STK32C: variants seen among roughly 807,000 people sequenced by gnomAD.
STK32C encodes serine/threonine kinase 32C.
STK32C carries 31 observed loss-of-function variants against 56.5 expected under a neutral mutation model. The ratio of observed to expected loss-of-function variants is 0.55; its 90% CI spans 0.41 to 0.74. The LOEUF (loss-of-function observed/expected upper bound fraction) is 0.74, where lower values mean the gene tolerates loss of function less well. Ranked by LOEUF, STK32C falls within the 30% of genes least tolerant of loss-of-function variation. STK32C has a pLI of 0.00. For synonymous variants in STK32C, 309 were observed against 289.4 expected (o/e 1.07, Z -0.69); for missense variants, 544 against 676.9 (o/e 0.80, Z 2.18).
chr10:132,209,114 A>G lies in STK32C; in HGVS notation c.1252-13T>C. The G allele has an allele frequency of 6.2e-7, 1 of 1,613,092 alleles. No individual in the cohort carries two copies. ...GATAGTCATTCTCCTGTGGATGGAA[A>G]GGCACACGTGAGCGTGGGGGACGCT... On this transcript the variant is annotated splice_polypyrimidine_tract_variant and intron_variant, in intron 10 of 11. Coordinates refer to ENST00000298630, the MANE Select transcript of STK32C (RefSeq NM_173575.4).
At chr10:132,267,071 C>A (rs928925602) in intron 1 of STK32C, among the ~76,000 whole-genome samples, 1 of 152,328 alleles carries the variant, frequency 6.6e-6, no homozygotes, top group African/African-American at 2.4e-5. Flanking sequence ...GGTCAGAAGC[C>A]GGAGCAGCCC....
At chr10:132,298,676 G>C (rs1010369776) in intron 1 of STK32C, among the ~76,000 whole-genome samples, 5 of 152,026 alleles carry the variant, frequency 3.3e-5, no homozygotes, top group African/African-American at 7.3e-5. Context: ...GGGGAGTTGA[G>C]CGCCGTGTGT....
intron 2 of STK32C, among the ~76,000 whole-genome samples, chr10:132,241,006 G>A (rs556287697): frequency 7.9e-5 from 12 of 152,362 alleles, no homozygotes; most frequent in Admixed American, 3.9e-4. Context: ...CATTCTGGCC[G>A]AGTGGAAATC....
intron 1 of STK32C, among the ~76,000 whole-genome samples, chr10:132,302,292 A>G (rs1401829590): frequency 6.6e-6 from 1 of 152,234 alleles, no homozygotes; most frequent in African/African-American, 2.4e-5. Flanking sequence ...AAGCCGGCTT[A>G]TTTTTAGCCT....
intron 10 of STK32C, among the ~76,000 whole-genome samples, chr10:132,213,286 G>A (rs1293126370): frequency 1.3e-5 from 2 of 152,228 alleles, no homozygotes; most frequent in African/African-American, 4.8e-5. Context: ...AGGGGCACAG[G>A]CCCCCAAGAC....
chr10:132,223,011 G>A (rs2062738393), intron 8 of STK32C, 25 bp from the exon 9 acceptor site: 3 of 1,542,338 alleles, frequency 1.9e-6, no homozygotes, highest in Non-Finnish European at 2.6e-6. Flanking sequence ...GAGTCAGAGG[G>A]TCCAGGGCCC....
At chr10:132,315,410 A>G (rs1429527080) in intron 1 of STK32C, among the ~76,000 whole-genome samples, 7 of 152,314 alleles carry the variant, frequency 4.6e-5, no homozygotes, top group Admixed American at 2.0e-4. Flanking sequence ...GGTGCAGCAA[A>G]CCAGCATGGC....
intron 1 of STK32C, among the ~76,000 whole-genome samples, chr10:132,276,513 G>A (rs1380335006): frequency 2.0e-5 from 3 of 152,212 alleles, no homozygotes; most frequent in African/African-American, 4.8e-5. Context: ...GAGGCACGGC[G>A]GCTCACGCCT....
chr10:132,212,341 A>C (rs1257318673), intron 10 of STK32C, among the ~76,000 whole-genome samples: 1 of 152,218 alleles, frequency 6.6e-6, no homozygotes. Context: ...TCTTCAGCAA[A>C]TGGTGCTAGG....
At chr10:132,312,630 T>C (rs1257030201), upstream of STK32C, among the ~76,000 whole-genome samples, 2 of 152,138 alleles carry the variant, frequency 1.3e-5, no homozygotes, top group Non-Finnish European at 2.9e-5. Context: ...TTTCAAGGCC[T>C]GGCAAGAATT....
intron 1 of STK32C, among the ~76,000 whole-genome samples, chr10:132,292,750 G>T (rs1333248819): frequency 2.6e-5 from 4 of 152,188 alleles, no homozygotes; most frequent in African/African-American, 9.7e-5. Flanking sequence ...CAGACCCTGG[G>T]AAGCCACTCT....
chr10:132,258,969 A>G (rs1366621594), intron 1 of STK32C, among the ~76,000 whole-genome samples: 2 of 152,256 alleles, frequency 1.3e-5, no homozygotes, highest in Non-Finnish European at 2.9e-5. Context: ...GTAGGAAAAT[A>G]TCATCTCCAA....
In STK32C at chr10:132,224,439, A is replaced by G; in HGVS notation, c.961T>C (p.Trp321Arg). 6.4e-7 allele frequency: 1 copy of G among 1,558,084 alleles called. No individual in the cohort carries two copies. The highest frequency in any genetic ancestry group is 8.7e-7 in the Non-Finnish European group (1 of 1,150,820). The change falls in exon 8 of 12, where the codon TGG (tryptophan) becomes CGG (arginine). Residue 321 changes from tryptophan to arginine, a missense_variant. This residue lies in a region of STK32C where 277 missense variants were observed against 309.3 expected (regional missense o/e 0.90). Coordinates refer to ENST00000298630, the MANE Select transcript of STK32C (RefSeq NM_173575.4). ...AGCAAGGCCACCATCTCCTTGGACC[A>G]CGTGGGGACATACTGGACGCTCACG... ...STVSVQYVPT[W>R]SKEMVALLRK...
chr10:132,309,304 G>A (rs2066175298), upstream of STK32C, among the ~76,000 whole-genome samples: 1 of 152,146 alleles, frequency 6.6e-6, no homozygotes, highest in African/African-American at 2.4e-5. Flanking sequence ...TATAAGGAAT[G>A]GAACCATGCC....
At chr10:132,283,215 C>A (rs1200773737) in intron 1 of STK32C, among the ~76,000 whole-genome samples, 1 of 152,252 alleles carries the variant, frequency 6.6e-6, no homozygotes, top group Non-Finnish European at 1.5e-5. Context: ...GCTCTGTGAG[C>A]GCTACTGAAG....
chr10:132,257,473 A>G (rs953751629), intron 1 of STK32C, among the ~76,000 whole-genome samples: 1 of 151,844 alleles, frequency 6.6e-6, no homozygotes, highest in Non-Finnish European at 1.5e-5. Flanking sequence ...GAGCTGGAGG[A>G]GGAGTGACTC....
chr10:132,309,637 T>C (rs2066183246), upstream of STK32C, among the ~76,000 whole-genome samples: 1 of 152,148 alleles, frequency 6.6e-6, no homozygotes, highest in African/African-American at 2.4e-5. Context: ...CAGAAGGCAG[T>C]GGGTTCAGCA....
intron 1 of STK32C, among the ~76,000 whole-genome samples, chr10:132,291,376 C>T (rs544801862): frequency 1.3e-5 from 2 of 152,322 alleles, no homozygotes; most frequent in African/African-American, 4.8e-5. Flanking sequence ...GTATGTCATC[C>T]TTGTGAGGAT....
chr10:132,291,283 G>C (rs745956565), intron 1 of STK32C, among the ~76,000 whole-genome samples: 7 of 152,202 alleles, frequency 4.6e-5, no homozygotes, highest in Admixed American at 2.6e-4. Flanking sequence ...TGGGCCCCTG[G>C]ACAGGCCACA....
Sources: gnomAD v4.1 joint callset for allele counts (sites outside exome capture counted in the v4.1 genomes callset) on GRCh38, gnomAD v4.1.1 for gene constraint, gnomAD v4.1.1 regional missense constraint, MANE v1.5 for transcripts, NCBI Gene and HGNC (gene_info 2026-07-23, HGNC 2026-07-21) for gene names.